The following FAT4 variants were observed in gnomAD, a reference collection of about 807,000 sequenced individuals.
FAT4 encodes the protein FAT atypical cadherin 4, also known as protocadherin Fat 4.
In FAT4, 84 loss-of-function variants were observed where a neutral mutation model predicts 303.9. The observed-to-expected ratio is 0.28, with a 90% confidence interval of 0.23 to 0.33. The LOEUF is 0.33. FAT4 is among the 10% of genes least tolerant of loss of function. The pLI, the probability that FAT4 is intolerant of heterozygous loss-of-function variation, is 1.00. For synonymous variants in FAT4, 2,307 were observed against 2,298.8 expected (o/e 1.00, Z -0.10); for missense variants, 6,005 against 6,146.8 (o/e 0.98, Z 0.77).
intron 2 of FAT4, among the ~76,000 whole-genome samples, chr4:125,322,941 T>A (rs867369261): frequency 8.5e-5 from 13 of 152,218 alleles, no homozygotes; most frequent in Middle Eastern, 3.4e-3. Flanking sequence ...AAAAATATTT[T>A]AATATAGGGC....
chr4:125,446,229 T>C (rs1725821597), intron 8 of FAT4, 64 bp from the exon 9 acceptor site: 5 of 1,372,430 alleles, frequency 3.6e-6, no homozygotes, highest in Non-Finnish European at 3.0e-6. Flanking sequence ...TTTTTAATTA[T>C]AGTAAATAGA....
In FAT4 at chr4:125,484,423, T is replaced by C. The variant is rs146115106; in HGVS notation, c.12822+2685T>C. 8.3e-3 allele frequency among the ~76,000 whole-genome samples: 1,262 copies of C among 152,302 alleles called. 18 individuals carry two copies. Among genetic ancestry groups the C allele is most frequent in the African/African-American group, 0.029 (1,215 of 41,568 alleles). ...ATGTTCTGTAATAATAGTAATGTGA[T>C]GGACTTTATTTCTACTCTAAATCAG... On this transcript the variant is annotated intron_variant, in intron 16 of 17. Transcript: ENST00000394329.
Position 125,406,865 on chromosome 4 carries a change from G to A in FAT4, c.5308-15G>A, listed in dbSNP as rs763922646. On this transcript the variant is annotated splice_polypyrimidine_tract_variant and intron_variant, in intron 3 of 17. Transcript: ENST00000394329. Reference sequence around the variant, plus strand: ...TCTACTTCCAATAGCTCAGATGCTTGGTCTCTTTTTTTAGGGTGCAAATGC... The same window carrying A: ...TCTACTTCCAATAGCTCAGATGCTTAGTCTCTTTTTTTAGGGTGCAAATGC... 8.0e-5 allele frequency: 129 copies of A among 1,610,246 alleles called. 1 individual carries two copies. Among genetic ancestry groups the A allele is most frequent in the Non-Finnish European group, 1.9e-5 (22 of 1,177,766 alleles).
chr4:125,456,880 G>T (rs972855703), intron 10 of FAT4, among the ~76,000 whole-genome samples: 1 of 152,064 alleles, frequency 6.6e-6, no homozygotes, highest in Admixed American at 6.6e-5. Context: ...TTTTACTTCA[G>T]TTAACATGAA....
chr4:125,477,934 C>G (rs1207487134), intron 14 of FAT4, among the ~76,000 whole-genome samples: 1 of 151,886 alleles, frequency 6.6e-6, no homozygotes, highest in Non-Finnish European at 1.5e-5. Flanking sequence ...AGGAAGAAAA[C>G]AAAATTAACC....
intron 2 of FAT4, among the ~76,000 whole-genome samples, chr4:125,339,405 C>G (rs1168157729): frequency 3.3e-5 from 5 of 151,988 alleles, no homozygotes; most frequent in Admixed American, 3.3e-4. Context: ...ACCGTGTTAG[C>G]CAGGATGGTC....
intron 8 of FAT4, among the ~76,000 whole-genome samples, chr4:125,438,561 C>T (rs1289431776): frequency 3.9e-5 from 6 of 152,130 alleles, no homozygotes; most frequent in Admixed American, 3.9e-4. Flanking sequence ...CTTAAAATGA[C>T]TCTACAGACT....
intron 2 of FAT4, among the ~76,000 whole-genome samples, chr4:125,388,862 A>C (rs1259699659): frequency 6.6e-6 from 1 of 152,144 alleles, no homozygotes. Flanking sequence ...GCTTCTAGCC[A>C]TTCTTGTCAC....
intron 10 of FAT4, among the ~76,000 whole-genome samples, chr4:125,457,401 T>C (rs1726321087): frequency 6.6e-6 from 1 of 152,068 alleles, no homozygotes; most frequent in Non-Finnish European, 1.5e-5. Flanking sequence ...ATTTCTGAAA[T>C]ATTCTTAAAG....
Position 125,490,054 on chromosome 4 carries a change from GTGA to G in FAT4, c.13240_13242del (p.Asp4414del). 2 of 1,614,020 alleles carry G rather than the reference GTGA, an allele frequency of 1.2e-6. No homozygotes were observed. The highest frequency in any genetic ancestry group is 1.7e-6 in the Non-Finnish European group (2 of 1,179,998). Reference sequence around the variant, plus strand: ...ATTTGTGCCAGCAACCCCTGCTGGGGTGATTTGCTGTGCATTAATCAGTGGTAT... The same window carrying G: ...ATTTGTGCCAGCAACCCCTGCTGGGGTTTGCTGTGCATTAATCAGTGGTAT... On this transcript the variant is annotated inframe_deletion, in exon 18 of 18. Transcript: ENST00000394329.
chr4:125,463,316 ATTTTC>A (rs1726545387), intron 10 of FAT4, among the ~76,000 whole-genome samples: 1 of 152,012 alleles, frequency 6.6e-6, no homozygotes, highest in Non-Finnish European at 1.5e-5. Context: ...TGCAAACAGT[ATTTTC>A]TTCCAAGATG....
chr4:125,376,603 A>C, intron 2 of FAT4, among the ~76,000 whole-genome samples: 1 of 152,292 alleles, frequency 6.6e-6, no homozygotes, highest in East Asian at 1.9e-4. Context: ...ATAATTAAAA[A>C]TAAATAAATA....
chr4:125,444,525 G>C (rs1725761423), intron 8 of FAT4, among the ~76,000 whole-genome samples: 2 of 152,034 alleles, frequency 1.3e-5, no homozygotes, highest in African/African-American at 4.8e-5. Context: ...CTAATTTCAA[G>C]GAACATTTAA....
At chr4:125,418,319 G>A (rs1482374445) in intron 7 of FAT4, among the ~76,000 whole-genome samples, 1 of 152,058 alleles carries the variant, frequency 6.6e-6, no homozygotes, top group Non-Finnish European at 1.5e-5. Context: ...AACTTCATCA[G>A]TATGGCACAG....
At chr4:125,408,371 C>T (rs10518464) in intron 4 of FAT4, 73 bp from the exon 5 acceptor site, 15 of 958,454 alleles carry the variant, frequency 1.6e-5, no homozygotes, top group African/African-American at 5.0e-5. Context: ...ATTTTTTGGT[C>T]TCTTTCTATA....
In FAT4 at chr4:125,321,488, G is replaced by C; in HGVS notation, c.5077G>C (p.Ala1693Pro). ...IGRHTGIIQT[A>P]AILDREQGAC... ...ACGACATACTGGTATAATTCAGACCGCAGCCATTCTGGACCGGGAGCAAGG... is the reference window on the plus strand; with the variant it reads ...ACGACATACTGGTATAATTCAGACCCCAGCCATTCTGGACCGGGAGCAAGG... The change falls in exon 2 of 18, where the codon GCA becomes CCA. Residue 1693 changes from alanine (A) to proline (P), a missense_variant. Physicochemically the swap from Ala to Pro is conservative, Grantham distance 27. Transcript: ENST00000394329. 6.2e-7 allele frequency: 1 copy of C among 1,614,084 alleles called. No individual in the cohort carries two copies. Among genetic ancestry groups the C allele is most frequent in the Non-Finnish European group, 8.5e-7 (1 of 1,179,972 alleles).
intron 2 of FAT4, among the ~76,000 whole-genome samples, chr4:125,329,746 G>A (rs932087234): frequency 6.6e-6 from 1 of 152,090 alleles, no homozygotes; most frequent in Non-Finnish European, 1.5e-5. Flanking sequence ...AATCTGAGCT[G>A]CTGATATTCT....
chr4:125,415,284 G>A lies in FAT4; in HGVS notation c.6321G>A (p.Arg2107=). ...TTGGGACCATTGATGGTGAAGTGAGGCTCACTGGAGAACTGGACAGAGAAG... is the reference window on the plus strand; with the variant it reads ...TTGGGACCATTGATGGTGAAGTGAGACTCACTGGAGAACTGGACAGAGAAG... ...FSIGTIDGEV[R]LTGELDREEV... The change falls in exon 6 of 18, where the codon AGG becomes AGA. Residue 2107 remains arginine, a synonymous_variant. Coordinates refer to ENST00000394329, the MANE Select transcript of FAT4 (RefSeq NM_001291303.3). 6.2e-7 allele frequency: 1 copy of A among 1,614,052 alleles called. No homozygotes were observed. The highest frequency in any genetic ancestry group is 1.7e-5 in the Admixed American group (1 of 59,996).
chr4:125,421,020 T>C (rs770545787), intron 7 of FAT4, among the ~76,000 whole-genome samples: 3 of 152,160 alleles, frequency 2.0e-5, no homozygotes, highest in Non-Finnish European at 4.4e-5. Flanking sequence ...AACCTTCGCC[T>C]CCCGGGTTCA....
Sources: gnomAD v4.1 joint callset for allele counts (sites outside exome capture counted in the v4.1 genomes callset) on GRCh38, gnomAD v4.1.1 for gene constraint, MANE v1.5 for transcripts, NCBI Gene and HGNC (gene_info 2026-07-23, HGNC 2026-07-21) for gene names.